The following MS4A10 variants were observed in gnomAD, a reference collection of about 807,000 sequenced individuals.
The protein encoded by MS4A10 is membrane-spanning 4-domains subfamily A member 10.
A neutral mutation model predicts 27.7 loss-of-function variants in MS4A10; 27 were observed. The ratio of observed to expected loss-of-function variants is 0.98; its 90% CI spans 0.72 to 1.35. The LOEUF is 1.35. MS4A10 is among the 40% of genes most tolerant of loss of function. The pLI, the probability that MS4A10 is intolerant of heterozygous loss-of-function variation, is 0.00. For missense variants in MS4A10, 338 were observed against 324.7 expected (o/e 1.04, Z -0.32); for synonymous variants, 139 against 131.2 (o/e 1.06, Z -0.41).
At chr11:60,794,726 A>C (rs1389228432) in intron 5 of MS4A10, among the ~76,000 whole-genome samples, 4 of 152,026 alleles carry the variant, frequency 2.6e-5, no homozygotes, top group Non-Finnish European at 5.9e-5. Flanking sequence ...CCCAGGCTGG[A>C]GTGCAGTGGC....
At chr11:60,786,197 A>ACG (rs1854335766) in intron 1 of MS4A10, among the ~76,000 whole-genome samples, 1 of 146,328 alleles carries the variant, frequency 6.8e-6, no homozygotes, top group African/African-American at 2.7e-5. Flanking sequence ...ACGCACACAC[A>ACG]CACACACACA....
intron 3 of MS4A10, 38 bp from the exon 4 acceptor site, chr11:60,792,227 C>A: frequency 6.3e-7 from 1 of 1,580,250 alleles, no homozygotes; most frequent in Non-Finnish European, 8.7e-7. Flanking sequence ...TTGAGGAACC[C>A]CAGCTTCTCT....
In MS4A10 at chr11:60,800,615, CT is replaced by C; in HGVS notation, c.*707del. ...TCATCTCTTTCGCTGCCACTTCTGG[CT>C]GTGGTCACTAGCTTGGCCATAGCAC... On this transcript the variant is annotated 3_prime_UTR_variant, in exon 8 of 8. Transcript: ENST00000308287. 6.6e-6 allele frequency: 1 copy of C among 152,430 alleles called. No homozygotes were observed. The highest frequency in any genetic ancestry group is 2.4e-5 in the African/African-American group (1 of 41,576). 9.4% of individuals were successfully genotyped at this position (152,430 alleles called of 1,614,324 possible).
chr11:60,791,205 C>T (rs545800662), intron 3 of MS4A10, 112 bp downstream of exon 3: 53 of 1,388,490 alleles, frequency 3.8e-5, no homozygotes, highest in East Asian at 1.6e-4. Context: ...AATAGGAGTG[C>T]GGCAGAAGCG....
At chr11:60,791,123 G>A (rs766423212) in intron 3 of MS4A10, 30 bp downstream of exon 3, 8 of 1,611,960 alleles carry the variant, frequency 5.0e-6, no homozygotes, top group African/African-American at 2.7e-5. Context: ...CAGACCGGGT[G>A]TGGGAGTCTG....
rs771147813 is a variant in MS4A10, at chr11:60,792,302, C to T, written c.341C>T (p.Thr114Ile). Residue 114 changes from threonine to isoleucine, a missense_variant, in exon 4 of 8, where the codon ACC becomes ATC. By Grantham distance (89) the Thr-to-Ile change is moderately conservative (BLOSUM62 -1). Coordinates refer to ENST00000308287, the MANE Select transcript of MS4A10 (RefSeq NM_206893.4). ...GGGATCTTGGCGATAACAATGAAGACCTTTTCTAAAACTTACCTGGTGAGT... is the reference window on the plus strand; with the variant it reads ...GGGATCTTGGCGATAACAATGAAGATCTTTTCTAAAACTTACCTGGTGAGT... ...ISGILAITMK[T>I]FSKTYLKMLC... 1.1e-5 allele frequency: 17 copies of T among 1,612,734 alleles called. No homozygotes were observed. In the Admixed American group the frequency reaches 2.8e-4, roughly 27 times the overall value.
Position 60,798,507 on chromosome 11 carries a change from C to G in MS4A10, c.715C>G (p.His239Asp), listed in dbSNP as rs1162723213. 6.2e-7 allele frequency: 1 copy of G among 1,613,622 alleles called. No homozygotes were observed. The highest frequency in any genetic ancestry group is 1.7e-5 in the Admixed American group (1 of 60,012). Residue 239 changes from histidine to aspartate, a missense_variant, in exon 7 of 8, where the codon CAT becomes GAT. By Grantham distance (81) the His-to-Asp change is moderately conservative. Transcript: ENST00000308287. ...TCAAGGCGACGCACAACACAAGCAA[C>G]ATCAGAGGTGAAGAGGTTTGGCCCT... The part of the protein sequence containing the change: ...VIQGDAQHKQ[H>D]QRLREVKQVA...
chr11:60,794,232 C>A lies in MS4A10; in HGVS notation c.492+129C>A, dbSNP rs114009484. ...AGGTGTGGGCTGCTGGGCCCTTTGC[C>A]AACCTGTTTCTGTCCCCTACAAGGT... On this transcript the variant is annotated intron_variant, in intron 5 of 7. Coordinates refer to ENST00000308287, the MANE Select transcript of MS4A10 (RefSeq NM_206893.4). The A allele has an allele frequency of 1.3e-3, 1,353 of 1,053,950 alleles. 17 individuals carry two copies. In the African/African-American group the frequency reaches 0.019, roughly 15 times the overall value. 65.3% of individuals were successfully genotyped at this position (1,053,950 alleles called of 1,614,324 possible). A position where few individuals can be genotyped will look rare whatever the true frequency, so the allele number is the denominator to read the frequency against.
intron 3 of MS4A10, 81 bp downstream of exon 3, chr11:60,791,174 C>A (rs1307332745): frequency 2.5e-6 from 4 of 1,573,706 alleles, no homozygotes; most frequent in Non-Finnish European, 3.4e-6. Flanking sequence ...GGACAGGATG[C>A]AGGGTGGGAT....
chr11:60,798,554 C>T lies in MS4A10; in HGVS notation c.722+40C>T, dbSNP rs1218143881. The T allele has an allele frequency of 2.0e-6, 3 of 1,472,782 alleles. No individual in the cohort carries two copies. The African/African-American group carries it at 4.2e-5, about 20-fold the overall frequency. 91.2% of individuals were successfully genotyped at this position (1,472,782 alleles called of 1,614,324 possible). The stretch of plus-strand genomic sequence containing the variant: ...CCCTGGCTCCCCAGACCTTCAGAAC[C>T]CACGCTTGGCCCCTTCTCCCTGGCA... On this transcript the variant is annotated intron_variant, in intron 7 of 7. Transcript: ENST00000308287.
At chr11:60,797,005 T>A (rs1854544077) in intron 6 of MS4A10, among the ~76,000 whole-genome samples, 2 of 152,196 alleles carry the variant, frequency 1.3e-5, no homozygotes, top group African/African-American at 4.8e-5. Flanking sequence ...TTCATGTTAG[T>A]GACCTCATCA....
Position 60,798,492 on chromosome 11 carries a change from G to C in MS4A10, c.700G>C (p.Ala234Pro). The C allele has an allele frequency of 1.2e-6, 2 of 1,613,952 alleles. No homozygotes were observed. The highest frequency in any genetic ancestry group is 1.7e-6 in the Non-Finnish European group (2 of 1,179,908). ...CTACCAGAGTGTGATTCAAGGCGAC[G>C]CACAACACAAGCAACATCAGAGGTG... is the stretch of plus-strand genomic sequence containing the variant. ...PSYQSVIQGD[A>P]QHKQHQRLRE... The change falls in exon 7 of 8, where the codon GCA becomes CCA. Residue 234 changes from alanine (A) to proline (P), a missense_variant. By Grantham distance (27) the Ala-to-Pro change is conservative. Transcript: ENST00000308287.
At chr11:60,786,343 G>A (rs926986758) in intron 1 of MS4A10, among the ~76,000 whole-genome samples, 7 of 151,944 alleles carry the variant, frequency 4.6e-5, no homozygotes, top group Non-Finnish European at 7.4e-5. Context: ...CTCCTGCCTC[G>A]GTCCCTGCAG....
chr11:60,792,186 G>A, intron 3 of MS4A10, 79 bp from the exon 4 acceptor site: 1 of 1,130,240 alleles, frequency 8.8e-7, no homozygotes. Context: ...TTTTCTTGGA[G>A]AATAGGGGTG....
Position 60,799,799 on chromosome 11 carries a change from G to C in MS4A10, c.723-29G>C, listed in dbSNP as rs186823580. 2.3e-5 allele frequency: 23 copies of C among 1,021,094 alleles called. No individual in the cohort carries two copies. In the African/African-American group the frequency reaches 3.5e-4, roughly 15 times the overall value. The allele number at this position is 1,021,094 out of a possible 1,614,324, so 63.3% of individuals were successfully genotyped here. A position where few individuals can be genotyped will look rare whatever the true frequency, so the allele number is the denominator to read the frequency against. On this transcript the variant is annotated intron_variant, in intron 7 of 7. Transcript: ENST00000308287. Reference sequence around the variant, plus strand: ...CCCATCGATCTGTGACCTAGCTGCTGTTGCTATTAATATCTCCATTTCATG... The same window carrying C: ...CCCATCGATCTGTGACCTAGCTGCTCTTGCTATTAATATCTCCATTTCATG...
At position 60,800,026 on chromosome 11, in the gene MS4A10, A is replaced by G. The variant is rs1178963513; in HGVS notation, c.*117A>G. Reference sequence around the variant, plus strand: ...ATACAAAAGGCTAGAGCGATGGTCTATACAGCAAAGTCAGCCCTCACAGCT... The same window carrying G: ...ATACAAAAGGCTAGAGCGATGGTCTGTACAGCAAAGTCAGCCCTCACAGCT... On this transcript the variant is annotated 3_prime_UTR_variant, in exon 8 of 8. Coordinates refer to ENST00000308287, the MANE Select transcript of MS4A10 (RefSeq NM_206893.4). The G allele has an allele frequency of 6.6e-7, 1 of 1,520,804 alleles. No homozygotes were observed. Among genetic ancestry groups the G allele is most frequent in the South Asian group, 1.2e-5 (1 of 81,246 alleles). The allele number at this position is 1,520,804 out of a possible 1,614,324, so 94.2% of individuals were successfully genotyped here.
At position 60,800,486 on chromosome 11, in the gene MS4A10, T is replaced by C. The variant is rs1381576184; in HGVS notation, c.*577T>C. 1 of 153,004 alleles carries C rather than the reference T, an allele frequency of 6.5e-6. No homozygotes were observed. Among genetic ancestry groups the C allele is most frequent in the Non-Finnish European group, 1.5e-5 (1 of 68,594 alleles). The allele number at this position is 153,004 out of a possible 1,614,324, so 9.5% of individuals were successfully genotyped here. On this transcript the variant is annotated 3_prime_UTR_variant, in exon 8 of 8. Transcript: ENST00000308287. ...AGTTGTCCGAGATAGCAGTCTGCTC[T>C]CTACTGCCTTATAAAATCCCTGTGT...
intron 5 of MS4A10, 151 bp downstream of exon 5, chr11:60,794,254 A>G: frequency 2.3e-6 from 2 of 852,634 alleles, no homozygotes; most frequent in Non-Finnish European, 3.6e-6. Flanking sequence ...GTCCCCTACA[A>G]GGTGTGGTGG....
intron 1 of MS4A10, among the ~76,000 whole-genome samples, chr11:60,785,680 G>T (rs528420866): frequency 6.6e-6 from 1 of 152,270 alleles, no homozygotes; most frequent in South Asian, 2.1e-4. Flanking sequence ...GAGGGGATCT[G>T]GGAAGTAGGG....
Sources: gnomAD v4.1 joint callset for allele counts (sites outside exome capture counted in the v4.1 genomes callset) on GRCh38, gnomAD v4.1.1 for gene constraint, MANE v1.5 for transcripts, NCBI Gene and HGNC (gene_info 2026-07-23, HGNC 2026-07-21) for gene names.